Variants in PCSK2 observed in about 807,000 individuals in gnomAD.
PCSK2 encodes proprotein convertase subtilisin/kexin type 2.
PCSK2 carries 14 observed loss-of-function variants against 69.7 expected under a neutral mutation model. The observed-to-expected ratio is 0.20, with a 90% confidence interval of 0.13 to 0.31. The LOEUF is 0.31. Ranked by LOEUF, PCSK2 falls within the 10% of genes least tolerant of loss-of-function variation. The pLI is 1.00. For synonymous variants in PCSK2, 307 were observed against 320.7 expected (o/e 0.96, Z 0.46); for missense variants, 544 against 842.5 (o/e 0.65, Z 4.39).
Position 17,358,412 on chromosome 20 carries a change from A to G in PCSK2, c.368A>G (p.Asp123Gly). The G allele has an allele frequency of 1.2e-6, 2 of 1,607,556 alleles. No individual in the cohort carries two copies. Among genetic ancestry groups the G allele is most frequent in the Middle Eastern group, 3.3e-4 (2 of 6,056 alleles). The change falls in exon 3 of 12, where the codon GAT becomes GGT. Residue 123 changes from aspartate (D) to glycine (G), a missense_variant. Around this residue, in one of 3 missense-constraint regions of PCSK2, gnomAD observed 157 missense variants for 155.0 expected, o/e 1.01. Coordinates refer to ENST00000262545, the MANE Select transcript of PCSK2 (RefSeq NM_002594.5). ...AATGAGATCGACATCAACATGAACG[A>G]TCCTCTTTTTACAAAGCAGTGGTAT... is the stretch of plus-strand genomic sequence containing the variant. ...DINEIDINMNDPLFTKQWYLI... is the reference protein window; with the variant it reads ...DINEIDINMNGPLFTKQWYLI...
intron 5 of PCSK2, among the ~76,000 whole-genome samples, chr20:17,400,866 T>C (rs1300621948): frequency 6.6e-6 from 1 of 152,132 alleles, no homozygotes; most frequent in Non-Finnish European, 1.5e-5. Flanking sequence ...AGCTGCAGAG[T>C]TTTGCATCAT....
intron 6 of PCSK2, among the ~76,000 whole-genome samples, chr20:17,412,609 A>G (rs1163116671): frequency 6.6e-6 from 1 of 152,224 alleles, no homozygotes; most frequent in Admixed American, 6.5e-5. Context: ...AACACTCTTC[A>G]GGATATTATC....
chr20:17,434,715 T>C (rs1439699415), intron 7 of PCSK2, among the ~76,000 whole-genome samples: 1 of 152,170 alleles, frequency 6.6e-6, no homozygotes, highest in Non-Finnish European at 1.5e-5. Context: ...AAACCTGCTT[T>C]GGCCGGGGTT....
chr20:17,363,421 G>T (rs1194308999), intron 4 of PCSK2, among the ~76,000 whole-genome samples: 1 of 152,162 alleles, frequency 6.6e-6, no homozygotes, highest in Admixed American at 6.6e-5. Flanking sequence ...ATTTCTTAAG[G>T]GTCTACTAGG....
chr20:17,356,082 GAC>G (rs762333257), intron 2 of PCSK2, among the ~76,000 whole-genome samples: 7 of 151,850 alleles, frequency 4.6e-5, no homozygotes, highest in Non-Finnish European at 8.8e-5. Flanking sequence ...GTGACAGTAT[GAC>G]ACACACATAT....
At chr20:17,258,958 T>C (rs1438742560) in intron 1 of PCSK2, among the ~76,000 whole-genome samples, 1 of 151,992 alleles carries the variant, frequency 6.6e-6, no homozygotes, top group East Asian at 1.9e-4. Context: ...TTGTTATCTG[T>C]GTTTTTCGGT....
intron 2 of PCSK2, among the ~76,000 whole-genome samples, chr20:17,295,227 C>T (rs1988847782): frequency 6.6e-6 from 1 of 151,836 alleles, no homozygotes; most frequent in South Asian, 2.1e-4. Flanking sequence ...CACACACACA[C>T]ACACACACAC....
chr20:17,348,953 C>T lies in PCSK2; in HGVS notation c.283-9374C>T, dbSNP rs190306280. On this transcript the variant is annotated intron_variant, in intron 2 of 11. Transcript: ENST00000262545. ...ACAACAGGCATGACCCGTGGCTCTGCCCTTGGCTAACCATAGGACCGTTAA... is the reference window on the plus strand; with the variant it reads ...ACAACAGGCATGACCCGTGGCTCTGTCCTTGGCTAACCATAGGACCGTTAA... Among the ~76,000 whole-genome samples, 265 of 152,298 alleles carry T rather than the reference C, an allele frequency of 1.7e-3. 2 individuals are homozygous for T. Among genetic ancestry groups the T allele is most frequent in the African/African-American group, 6.1e-3 (252 of 41,566 alleles).
At chr20:17,465,165 G>A (rs1381240588) in intron 10 of PCSK2, 161 bp from the exon 11 acceptor site, 1 of 689,418 alleles carries the variant, frequency 1.5e-6, no homozygotes, top group Non-Finnish European at 2.6e-6. Context: ...GTTTTGAATG[G>A]TGCATGGACA....
chr20:17,260,895 T>C (rs1156311639), intron 2 of PCSK2, among the ~76,000 whole-genome samples: 1 of 152,140 alleles, frequency 6.6e-6, no homozygotes, highest in Non-Finnish European at 1.5e-5. Flanking sequence ...CTAATTTGCC[T>C]TCATGTCTCA....
chr20:17,419,386 C>CAA (rs2032073167), intron 6 of PCSK2, among the ~76,000 whole-genome samples: 1 of 152,070 alleles, frequency 6.6e-6, no homozygotes, highest in Admixed American at 6.5e-5. Flanking sequence ...AAGACATTTT[C>CAA]AAAAAGAGTA....
chr20:17,382,926 T>G (rs933911068), intron 5 of PCSK2, among the ~76,000 whole-genome samples: 1 of 152,142 alleles, frequency 6.6e-6, no homozygotes, highest in African/African-American at 2.4e-5. Context: ...CACAGTTGAG[T>G]CCATCTCAAC....
intron 5 of PCSK2, among the ~76,000 whole-genome samples, chr20:17,404,093 G>C (rs2031701999): frequency 6.6e-6 from 1 of 152,160 alleles, no homozygotes; most frequent in Non-Finnish European, 1.5e-5. Flanking sequence ...CTCCACCTTG[G>C]GGTGTGGGGG....
chr20:17,475,018 A>AT (rs2033268178), intron 11 of PCSK2, among the ~76,000 whole-genome samples: 1 of 151,856 alleles, frequency 6.6e-6, no homozygotes, highest in Admixed American at 6.6e-5. Context: ...AGAGCCTGAG[A>AT]TTGGGTTTGA....
chr20:17,480,104 C>T (rs1304952399), intron 11 of PCSK2, among the ~76,000 whole-genome samples: 1 of 151,824 alleles, frequency 6.6e-6, no homozygotes, highest in African/African-American at 2.4e-5. Context: ...CTCCAACTCT[C>T]GCCAAAGACT....
chr20:17,295,362 A>G lies in PCSK2; in HGVS notation c.282+35018A>G, dbSNP rs117863199. On this transcript the variant is annotated intron_variant, in intron 2 of 11. Coordinates refer to ENST00000262545, the MANE Select transcript of PCSK2 (RefSeq NM_002594.5). ...AACCCAGACAGTCTGATTCAGAGCC[A>G]GGAACACTCTACCACCGTGCAATAC... 5.0e-3 allele frequency among the ~76,000 whole-genome samples: 768 copies of G among 152,186 alleles called. 6 individuals carry two copies. Among genetic ancestry groups the G allele is most frequent in the East Asian group, 0.023 (121 of 5,172 alleles).
chr20:17,401,049 C>T (rs1425654131), intron 5 of PCSK2, among the ~76,000 whole-genome samples: 1 of 152,188 alleles, frequency 6.6e-6, no homozygotes, highest in Non-Finnish European at 1.5e-5. Context: ...CTGGGTCAAA[C>T]AGTCCATTCA....
chr20:17,387,736 C>T (rs11698484), intron 5 of PCSK2, among the ~76,000 whole-genome samples: 7,625 of 152,258 alleles, frequency 0.05, 287 homozygotes, highest in Middle Eastern at 0.075. Flanking sequence ...TCATGAATAT[C>T]AGGAAGCAAG....
At chr20:17,310,668 G>T (rs1041662567) in intron 2 of PCSK2, among the ~76,000 whole-genome samples, 1 of 149,588 alleles carries the variant, frequency 6.7e-6, no homozygotes, top group African/African-American at 2.5e-5. Context: ...GTATCTAGTA[G>T]GTCATATAGC....
Sources: gnomAD v4.1 joint callset for allele counts (sites outside exome capture counted in the v4.1 genomes callset) on GRCh38, gnomAD v4.1.1 for gene constraint, gnomAD v4.1.1 regional missense constraint, MANE v1.5 for transcripts, NCBI Gene and HGNC (gene_info 2026-07-23, HGNC 2026-07-21) for gene names.